CACNA2D1: variants seen among roughly 807,000 people sequenced by gnomAD.
The protein encoded by CACNA2D1 is calcium voltage-gated channel auxiliary subunit alpha2delta 1.
In CACNA2D1, 53 loss-of-function variants were observed where a neutral mutation model predicts 171.5. That is an observed-to-expected ratio of 0.31 (90% confidence interval 0.25 to 0.39). The LOEUF is 0.39. CACNA2D1 is among the 10% of genes least tolerant of loss of function. CACNA2D1 has a pLI of 1.00. For synonymous variants in CACNA2D1, 442 were observed against 443.1 expected (o/e 1.00, Z 0.03); for missense variants, 903 against 1,299.8 (o/e 0.69, Z 4.69).
intron 18 of CACNA2D1, among the ~76,000 whole-genome samples, chr7:82,004,934 G>T (rs1798975276): frequency 6.6e-6 from 1 of 152,112 alleles, no homozygotes; most frequent in Non-Finnish European, 1.5e-5. Context: ...CCATCACATG[G>T]ATTTTACTTA....
At chr7:82,137,474 T>G (rs1436093196) in intron 4 of CACNA2D1, among the ~76,000 whole-genome samples, 3 of 152,136 alleles carry the variant, frequency 2.0e-5, no homozygotes, top group African/African-American at 7.2e-5. Flanking sequence ...TATTCCAAAC[T>G]GATTGAAGAT....
intron 10 of CACNA2D1, among the ~76,000 whole-genome samples, chr7:82,042,367 G>C (rs1434535765): frequency 1.3e-5 from 2 of 152,172 alleles, no homozygotes; most frequent in African/African-American, 2.4e-5. Flanking sequence ...TAGAGCAAAA[G>C]TGTAATAGCA....
chr7:82,142,306 T>C (rs1469018552), intron 4 of CACNA2D1, among the ~76,000 whole-genome samples: 1 of 152,176 alleles, frequency 6.6e-6, no homozygotes, highest in South Asian at 2.1e-4. Flanking sequence ...ATTTCAAACA[T>C]CCCCTAGCAA....
intron 7 of CACNA2D1, among the ~76,000 whole-genome samples, chr7:82,078,053 T>C (rs1809226092): frequency 6.6e-6 from 1 of 152,172 alleles, no homozygotes; most frequent in African/African-American, 2.4e-5. Flanking sequence ...TAAGAGATTC[T>C]TTTGCATTTT....
intron 21 of CACNA2D1, among the ~76,000 whole-genome samples, chr7:81,987,437 T>G (rs1284505680): frequency 6.6e-6 from 1 of 152,172 alleles, no homozygotes; most frequent in Non-Finnish European, 1.5e-5. Context: ...CTGAGTTAAG[T>G]GGACTATAAC....
chr7:81,975,803 C>CTTGT (rs1349277972), intron 24 of CACNA2D1, among the ~76,000 whole-genome samples: 4 of 39,396 alleles, frequency 1.0e-4, no homozygotes, highest in Admixed American at 5.0e-4. Context: ...GGGAATGAAT[C>CTTGT]ATGTATACAA....
chr7:82,025,113 C>A (rs774309871), intron 12 of CACNA2D1, among the ~76,000 whole-genome samples: 8 of 151,426 alleles, frequency 5.3e-5, no homozygotes, highest in Non-Finnish European at 7.4e-5. Context: ...TTCAAGATTT[C>A]TTTGGCTATT....
At chr7:82,412,440 C>A (rs973661496) in intron 1 of CACNA2D1, among the ~76,000 whole-genome samples, 2 of 151,832 alleles carry the variant, frequency 1.3e-5, no homozygotes, top group South Asian at 4.2e-4. Context: ...GGGCCACTAG[C>A]CCATCTAATT....
At chr7:82,344,046 GTTC>G (rs1487373909) in intron 2 of CACNA2D1, among the ~76,000 whole-genome samples, 5 of 152,244 alleles carry the variant, frequency 3.3e-5, no homozygotes, top group African/African-American at 7.2e-5. Context: ...AGATTCTTCA[GTTC>G]TTCTTGAGCA....
rs1481936770 is a variant in CACNA2D1 at position 82,038,080 on chromosome 7, A to T, written c.1035T>A (p.Leu345=). 6.2e-7 allele frequency: 1 copy of T among 1,613,036 alleles called. No homozygotes were observed. The highest frequency in any genetic ancestry group is 1.1e-5 in the South Asian group (1 of 91,074). ...KGFSFAFEQL[L]NYNVSRANCN... The stretch of plus-strand genomic sequence containing the variant: ...AAAGACATAGCATGATACTTACATT[A>T]AGCAGCTGTTCAAAAGCAAAACTAA... The change falls in exon 11 of 39, where the codon CTT becomes CTA. Residue 345 remains leucine (L), a synonymous_variant. Coordinates refer to ENST00000356860, the MANE Select transcript of CACNA2D1 (RefSeq NM_000722.4).
intron 5 of CACNA2D1, 54 bp downstream of exon 5, chr7:82,136,581 C>G: frequency 7.4e-7 from 1 of 1,353,634 alleles, no homozygotes; most frequent in Non-Finnish European, 1.0e-6. Flanking sequence ...TATATAAGGC[C>G]AATCATTTTA....
chr7:82,221,926 T>C (rs942993751), intron 3 of CACNA2D1, among the ~76,000 whole-genome samples: 1 of 151,886 alleles, frequency 6.6e-6, no homozygotes, highest in Non-Finnish European at 1.5e-5. Flanking sequence ...GCAGCTTTTG[T>C]GACTAGTCTA....
chr7:82,257,960 G>T (rs1378431497), intron 3 of CACNA2D1, among the ~76,000 whole-genome samples: 1 of 152,184 alleles, frequency 6.6e-6, no homozygotes, highest in East Asian at 1.9e-4. Context: ...GAAGAGAATA[G>T]AAATAAAATA....
chr7:82,076,660 C>T (rs1809005264), intron 7 of CACNA2D1, among the ~76,000 whole-genome samples: 1 of 152,048 alleles, frequency 6.6e-6, no homozygotes, highest in African/African-American at 2.4e-5. Flanking sequence ...AGTCTTTCTC[C>T]TTCTAATCAT....
At chr7:82,413,435 T>G (rs1208985998) in intron 1 of CACNA2D1, among the ~76,000 whole-genome samples, 1 of 152,222 alleles carries the variant, frequency 6.6e-6, no homozygotes, top group East Asian at 1.9e-4. Context: ...AGCTTCACTC[T>G]CATGACCCAC....
At chr7:82,391,442 T>TG (rs1825110251) in intron 1 of CACNA2D1, among the ~76,000 whole-genome samples, 1 of 152,350 alleles carries the variant, frequency 6.6e-6, no homozygotes, top group Non-Finnish European at 1.5e-5. Context: ...AAGCTCAGAT[T>TG]ACCAGATTAA....
In CACNA2D1 at chr7:82,036,312, C is replaced by T. The variant is rs184235214; in HGVS notation, c.1038+1765G>A. Among the ~76,000 whole-genome samples, 504 of 152,280 alleles carry T rather than the reference C, an allele frequency of 3.3e-3. 4 individuals are homozygous for T. Among genetic ancestry groups the T allele is most frequent in the South Asian group, 0.018 (85 of 4,830 alleles). On this transcript the variant is annotated intron_variant, in intron 11 of 38. Coordinates refer to ENST00000356860, the MANE Select transcript of CACNA2D1 (RefSeq NM_000722.4). The stretch of plus-strand genomic sequence containing the variant: ...CCCCTAAACACTTCCTTAACTGATA[C>T]CTCATGGCCTTTCCATTTCCATCAA...
At chr7:82,165,741 A>G (rs1343924973) in intron 4 of CACNA2D1, among the ~76,000 whole-genome samples, 1 of 152,046 alleles carries the variant, frequency 6.6e-6, no homozygotes, top group African/African-American at 2.4e-5. Context: ...ACTCTTAAAA[A>G]GCCGTAACAA....
intron 18 of CACNA2D1, among the ~76,000 whole-genome samples, chr7:82,004,812 T>C (rs982348314): frequency 1.3e-5 from 2 of 152,270 alleles, no homozygotes; most frequent in Middle Eastern, 3.4e-3. Flanking sequence ...TGTGAAAATA[T>C]CTTGTATCTT....
Sources: allele counts gnomAD v4.1 joint callset (sites outside exome capture counted in the v4.1 genomes callset), GRCh38; gene constraint gnomAD v4.1.1; transcripts MANE v1.5; gene names NCBI Gene and HGNC (gene_info 2026-07-23, HGNC 2026-07-21).